The following PACS1 variants were observed in gnomAD, a reference collection of about 807,000 sequenced individuals.
PACS1 encodes the protein PACS-1.
Under a neutral mutation model 115.0 loss-of-function variants are expected in PACS1, and 24 were observed. The observed-to-expected ratio is 0.21, with a 90% confidence interval of 0.15 to 0.29. The LOEUF is 0.29. PACS1 is among the 10% of genes least tolerant of loss of function. The pLI is 1.00. For synonymous variants in PACS1, 453 were observed against 504.5 expected (o/e 0.90, Z 1.37); for missense variants, 838 against 1,251.2 (o/e 0.67, Z 4.98).
chr11:66,176,411 C>G (rs1478979489), intron 1 of PACS1, among the ~76,000 whole-genome samples: 2 of 93,214 alleles, frequency 2.1e-5, no homozygotes, highest in South Asian at 4.5e-4. Flanking sequence ...AGCATAAGAT[C>G]CAGATTTTTT....
intron 1 of PACS1, among the ~76,000 whole-genome samples, chr11:66,176,939 T>C (rs1859879606): frequency 6.6e-6 from 1 of 152,164 alleles, no homozygotes; most frequent in South Asian, 2.1e-4. Flanking sequence ...AAAGCACTTA[T>C]AAGTTAGGCT....
chr11:66,223,069 A>C (rs1330867489), intron 10 of PACS1, among the ~76,000 whole-genome samples: 2 of 151,822 alleles, frequency 1.3e-5, no homozygotes, highest in African/African-American at 2.4e-5. Flanking sequence ...AAAAAAAAAA[A>C]AAAAAAAAAC....
chr11:66,105,425 A>C (rs1375138710), intron 1 of PACS1, among the ~76,000 whole-genome samples: 1 of 152,204 alleles, frequency 6.6e-6, no homozygotes, highest in East Asian at 1.9e-4. Context: ...CTCTGTTTCA[A>C]AACAAACAAA....
At chr11:66,190,165 G>A (rs969401193) in intron 1 of PACS1, among the ~76,000 whole-genome samples, 1 of 152,104 alleles carries the variant, frequency 6.6e-6, no homozygotes, top group Non-Finnish European at 1.5e-5. Context: ...ACATACTGAA[G>A]ACTACCTGAT....
At chr11:66,232,528 A>C (rs985709863) in intron 14 of PACS1, among the ~76,000 whole-genome samples, 1 of 152,242 alleles carries the variant, frequency 6.6e-6, no homozygotes, top group Non-Finnish European at 1.5e-5. Flanking sequence ...ACAAACAAAC[A>C]AAAAGCAACA....
chr11:66,239,770 G>T (rs1050709411), intron 21 of PACS1, among the ~76,000 whole-genome samples: 1 of 152,358 alleles, frequency 6.6e-6, no homozygotes, highest in South Asian at 2.1e-4. Flanking sequence ...GTTCTGTCTT[G>T]TCTCTGCACT....
chr11:66,191,822 G>A (rs1299558453), intron 1 of PACS1, among the ~76,000 whole-genome samples: 2 of 152,122 alleles, frequency 1.3e-5, no homozygotes, highest in Admixed American at 6.5e-5. Flanking sequence ...TCAGGAGTTC[G>A]AGACCAGCCT....
Position 66,070,501 on chromosome 11 carries a change from AG to A in PACS1, c.19del (p.Ala7ArgfsTer95). The A allele has an allele frequency of 7.7e-7, 1 of 1,292,426 alleles. No homozygotes were observed. 80.1% of individuals were successfully genotyped at this position (1,292,426 alleles called of 1,614,324 possible). On this transcript the variant is annotated frameshift_variant, in exon 1 of 24. Coordinates refer to ENST00000320580, the MANE Select transcript of PACS1 (RefSeq NM_018026.4). LOFTEE classifies it high-confidence loss of function. The surrounding 1 kb of genome is among the most constrained non-coding windows in gnomAD (Gnocchi z 5.9). MAERG[G>X]AGGGPGGAGG... ...CTAGCCGGGCCATGGCGGAACGCGG[AG>A]GGGCGGGCGGTGGTCCCGGAGGCGC...
intron 1 of PACS1, among the ~76,000 whole-genome samples, chr11:66,170,628 G>T (rs1464315334): frequency 1.3e-5 from 2 of 149,658 alleles, no homozygotes; most frequent in Non-Finnish European, 2.9e-5. Context: ...TCATATTACT[G>T]ATTCTTTGAA....
intron 1 of PACS1, among the ~76,000 whole-genome samples, chr11:66,087,306 T>C (rs1857590434): frequency 6.6e-6 from 1 of 151,900 alleles, no homozygotes; most frequent in Non-Finnish European, 1.5e-5. Context: ...AATGGCACGA[T>C]CTCTGCTCAC....
At chr11:66,209,436 C>G (rs900428319) in intron 2 of PACS1, among the ~76,000 whole-genome samples, 1 of 152,084 alleles carries the variant, frequency 6.6e-6, no homozygotes, top group African/African-American at 2.4e-5. Context: ...TCTTACACAC[C>G]CTGGGGACTG....
At chr11:66,190,330 T>C (rs993631435) in intron 1 of PACS1, among the ~76,000 whole-genome samples, 1 of 152,230 alleles carries the variant, frequency 6.6e-6, no homozygotes, top group Admixed American at 6.5e-5. Context: ...ATCCCAGTCA[T>C]GTCCCATTTC....
chr11:66,148,623 C>T (rs979071569), intron 1 of PACS1, among the ~76,000 whole-genome samples: 1 of 152,030 alleles, frequency 6.6e-6, no homozygotes, highest in African/African-American at 2.4e-5. Flanking sequence ...ACTATTATAA[C>T]CATTAAAAGG....
chr11:66,232,371 G>A (rs1269990532), intron 14 of PACS1, 95 bp downstream of exon 14: 2 of 709,540 alleles, frequency 2.8e-6, no homozygotes, highest in East Asian at 2.7e-5. Context: ...TGCGTGGGGA[G>A]GTGGGGAACT....
chr11:66,241,733 C>G (rs926710737), intron 22 of PACS1, 80 bp downstream of exon 22: 1 of 1,193,104 alleles, frequency 8.4e-7, no homozygotes, highest in African/African-American at 1.5e-5. Flanking sequence ...AATAAATCTG[C>G]TTTTGGGATA....
intron 1 of PACS1, among the ~76,000 whole-genome samples, chr11:66,155,825 G>T (rs2134616612): frequency 6.6e-6 from 1 of 152,210 alleles, no homozygotes; most frequent in Admixed American, 6.5e-5. Context: ...ACAATCCGGG[G>T]GCTCATCAGG....
Position 66,221,181 on chromosome 11 carries a change from C to T in PACS1, c.1227C>T (p.Ser409=), listed in dbSNP as rs1195190249. ...LKPFFEGMSQ[S]SSQTEIGSLN... ...CTTTCTTTGAGGGGATGTCGCAGTC[C>T]AGCTCCCAGACGGAGATTGGCAGCC... Residue 409 remains serine (S), a synonymous_variant, in exon 10 of 24, where the codon TCC becomes TCT. Coordinates refer to ENST00000320580, the MANE Select transcript of PACS1 (RefSeq NM_018026.4). The T allele has an allele frequency of 6.2e-7, 1 of 1,614,208 alleles. No homozygotes were observed. Among genetic ancestry groups the T allele is most frequent in the African/African-American group, 1.3e-5 (1 of 75,044 alleles).
intron 1 of PACS1, among the ~76,000 whole-genome samples, chr11:66,129,324 T>A (rs1478179629): frequency 6.6e-6 from 1 of 151,054 alleles, no homozygotes; most frequent in Non-Finnish European, 1.5e-5. Flanking sequence ...CCCAGCTACT[T>A]AGGAAGTTGA....
chr11:66,222,559 G>A (rs1855375167), intron 10 of PACS1, among the ~76,000 whole-genome samples: 1 of 152,170 alleles, frequency 6.6e-6, no homozygotes, highest in Admixed American at 6.5e-5. Flanking sequence ...CGCGATGTGA[G>A]TGCCCAGCTT....
Sources: gnomAD v4.1 joint callset for allele counts (sites outside exome capture counted in the v4.1 genomes callset) on GRCh38, gnomAD v4.1.1 for gene constraint, Gnocchi (gnomAD v3.1) non-coding constraint, MANE v1.5 for transcripts, NCBI Gene and HGNC (gene_info 2026-07-23, HGNC 2026-07-21) for gene names.